Variants in STK39 observed in about 807,000 individuals in gnomAD.
The protein encoded by STK39 is STE20/SPS1-related proline-alanine-rich protein kinase.
In STK39, 20 loss-of-function variants were observed where a neutral mutation model predicts 77.8. That is an observed-to-expected ratio of 0.26 (90% CI 0.18 to 0.37). The LOEUF (loss-of-function observed/expected upper bound fraction) is 0.37, where lower values mean the gene tolerates loss of function less well. STK39 is among the 10% of genes least tolerant of loss of function. The pLI is 1.00. For missense variants in STK39, 479 were observed against 656.5 expected (o/e 0.73, Z 2.95); for synonymous variants, 246 against 234.1 (o/e 1.05, Z -0.47).
intron 1 of STK39, among the ~76,000 whole-genome samples, chr2:168,230,775 A>T (rs1288347223): frequency 2.0e-5 from 3 of 148,924 alleles, no homozygotes; most frequent in Non-Finnish European, 4.4e-5. Flanking sequence ...GAAAAATTAC[A>T]CTCTCCCTAT....
chr2:168,234,935 T>C (rs1690558556), intron 1 of STK39, among the ~76,000 whole-genome samples: 1 of 151,882 alleles, frequency 6.6e-6, no homozygotes, highest in African/African-American at 2.4e-5. Context: ...GGAGAATCAC[T>C]TGAGACCAGG....
At chr2:168,153,927 C>T (rs945129680) in intron 5 of STK39, among the ~76,000 whole-genome samples, 7 of 152,162 alleles carry the variant, frequency 4.6e-5, no homozygotes, top group African/African-American at 1.7e-4. Context: ...TGAGGAAAGG[C>T]ATAATACAAG....
At chr2:168,043,350 T>A (rs1685157464) in intron 14 of STK39, among the ~76,000 whole-genome samples, 1 of 152,100 alleles carries the variant, frequency 6.6e-6, no homozygotes, top group Admixed American at 6.5e-5. Context: ...AGGCAAGTAA[T>A]CTGGAGGCTG....
chr2:167,963,002 T>A (rs1290243703), intron 17 of STK39, among the ~76,000 whole-genome samples: 1 of 152,166 alleles, frequency 6.6e-6, no homozygotes, highest in Non-Finnish European at 1.5e-5. Flanking sequence ...CATTAGCCTG[T>A]CCCGGGTGTG....
chr2:168,179,770 A>C (rs1195955137), intron 2 of STK39, among the ~76,000 whole-genome samples: 4 of 152,148 alleles, frequency 2.6e-5, no homozygotes, highest in Non-Finnish European at 5.9e-5. Context: ...TTCCAGGAAA[A>C]CAAAGGAAAG....
At chr2:167,997,386 T>C (rs1683873938) in intron 16 of STK39, among the ~76,000 whole-genome samples, 1 of 152,102 alleles carries the variant, frequency 6.6e-6, no homozygotes, top group South Asian at 2.1e-4. Context: ...GTGAATTGAT[T>C]TCAAAAGGGA....
chr2:168,029,124 T>G (rs1684772557), intron 14 of STK39, among the ~76,000 whole-genome samples: 1 of 152,210 alleles, frequency 6.6e-6, no homozygotes, highest in Non-Finnish European at 1.5e-5. Context: ...AAAATTAAAC[T>G]AAATATATAA....
intron 10 of STK39, among the ~76,000 whole-genome samples, chr2:168,123,120 A>C (rs1020961234): frequency 7.2e-5 from 11 of 152,238 alleles, no homozygotes; most frequent in Non-Finnish European, 1.3e-4. Flanking sequence ...GAATCTGATC[A>C]TTCAGAAATA....
intron 2 of STK39, among the ~76,000 whole-genome samples, chr2:168,179,045 C>A (rs75071199): frequency 0.069 from 10,489 of 151,436 alleles, 372 homozygotes; most frequent in Non-Finnish European, 0.073. Flanking sequence ...CAGTGGCCAA[C>A]AAATAGTTGA....
intron 1 of STK39, among the ~76,000 whole-genome samples, chr2:168,236,684 AG>A (rs1203732242): frequency 6.6e-6 from 1 of 152,240 alleles, no homozygotes. Flanking sequence ...CAGTTTTCCC[AG>A]TACCATTTAT....
chr2:168,122,660 C>T (rs1024727306), intron 10 of STK39, among the ~76,000 whole-genome samples: 1 of 152,060 alleles, frequency 6.6e-6, no homozygotes, highest in Non-Finnish European at 1.5e-5. Context: ...TGGTGTTAAA[C>T]TCCTGGGTTC....
At chr2:168,001,986 G>A (rs1574382019) in intron 16 of STK39, among the ~76,000 whole-genome samples, 1 of 152,222 alleles carries the variant, frequency 6.6e-6, no homozygotes, top group Non-Finnish European at 1.5e-5. Flanking sequence ...GAGACTGAGT[G>A]TAATCTGCAA....
chr2:168,019,850 T>C (rs1281789278), intron 14 of STK39, among the ~76,000 whole-genome samples: 2 of 151,884 alleles, frequency 1.3e-5, no homozygotes, highest in Non-Finnish European at 2.9e-5. Flanking sequence ...ACTACAGGAG[T>C]GTGCTACCAC....
intron 10 of STK39, among the ~76,000 whole-genome samples, chr2:168,086,879 T>C (rs1686381177): frequency 6.6e-6 from 1 of 152,210 alleles, no homozygotes; most frequent in African/African-American, 2.4e-5. Flanking sequence ...AGATTTCTTA[T>C]TCTGCATCAG....
chr2:167,998,334 GA>G (rs1229531120), intron 16 of STK39, among the ~76,000 whole-genome samples: 14 of 152,168 alleles, frequency 9.2e-5, no homozygotes, highest in African/African-American at 3.4e-4. Context: ...GTTAGTCCCT[GA>G]AAAAATATTC....
chr2:168,180,438 A>ATTTT (rs59011586), intron 2 of STK39, among the ~76,000 whole-genome samples: 1 of 151,240 alleles, frequency 6.6e-6, no homozygotes, highest in Admixed American at 6.6e-5. Flanking sequence ...CACACTCCAA[A>ATTTT]TTTTTTTTTT....
At chr2:168,110,352 C>T (rs1016579634) in intron 10 of STK39, among the ~76,000 whole-genome samples, 9 of 152,310 alleles carry the variant, frequency 5.9e-5, no homozygotes, top group Admixed American at 5.9e-4. Context: ...CCTTCCTCAG[C>T]CTTCCCAGTA....
Position 167,981,705 on chromosome 2 carries a change from G to A in STK39, c.1499-16979C>T, listed in dbSNP as rs536088453. 2.6e-3 allele frequency among the ~76,000 whole-genome samples: 391 copies of A among 152,186 alleles called. 4 individuals carry two copies. Among genetic ancestry groups the A allele is most frequent in the Non-Finnish European group, 1.9e-3 (130 of 68,018 alleles). Reference sequence around the variant, plus strand: ...GAAAACAAGCTGGGATGGGTTTGGCGGACTTTTACTTTGTACCTCCAGCTT... The same window carrying A: ...GAAAACAAGCTGGGATGGGTTTGGCAGACTTTTACTTTGTACCTCCAGCTT... On this transcript the variant is annotated intron_variant, in intron 16 of 17. Coordinates refer to ENST00000355999, the MANE Select transcript of STK39 (RefSeq NM_013233.3).
chr2:168,178,702 C>A (rs1167605887), intron 2 of STK39, among the ~76,000 whole-genome samples: 1 of 152,242 alleles, frequency 6.6e-6, no homozygotes, highest in African/African-American at 2.4e-5. Context: ...TCTAACACTT[C>A]TTTTCCTCTC....
Sources: allele counts gnomAD v4.1 joint callset (sites outside exome capture counted in the v4.1 genomes callset), GRCh38; gene constraint gnomAD v4.1.1; transcripts MANE v1.5; gene names NCBI Gene and HGNC (gene_info 2026-07-23, HGNC 2026-07-21).